ADGRL3: variants seen among roughly 807,000 people sequenced by gnomAD.
ADGRL3 encodes the protein calcium-independent alpha-latrotoxin receptor 3.
A neutral mutation model predicts 153.5 loss-of-function variants in ADGRL3; 62 were observed. The ratio of observed to expected loss-of-function variants is 0.40; its 90% CI spans 0.33 to 0.50. The LOEUF (loss-of-function observed/expected upper bound fraction) is 0.50, where lower values mean the gene tolerates loss of function less well. Ranked by LOEUF, ADGRL3 falls within the 20% of genes least tolerant of loss-of-function variation. The pLI is 0.47. For missense variants in ADGRL3, 1,641 were observed against 1,859.4 expected, an observed-to-expected ratio of 0.88 and a Z score of 2.16; for synonymous variants, 710 against 672.5, an observed-to-expected ratio of 1.06 and a Z score of -0.86.
intron 11 of ADGRL3, among the ~76,000 whole-genome samples, chr4:61,898,506 TA>T: frequency 6.6e-6 from 1 of 151,972 alleles, no homozygotes. Flanking sequence ...CCAGATTTTA[TA>T]GGCAGGCTTG....
chr4:61,863,199 C>G (rs554138169), intron 9 of ADGRL3, among the ~76,000 whole-genome samples: 2 of 149,140 alleles, frequency 1.3e-5, no homozygotes, highest in African/African-American at 4.9e-5. Flanking sequence ...GACAAGGAAA[C>G]GTGCTTGTGT....
intron 3 of ADGRL3, among the ~76,000 whole-genome samples, chr4:61,503,536 T>G (rs1184861872): frequency 6.6e-6 from 1 of 152,038 alleles, no homozygotes; most frequent in Non-Finnish European, 1.5e-5. Flanking sequence ...ATTGGGTTAT[T>G]TATAAATGGG....
intron 11 of ADGRL3, among the ~76,000 whole-genome samples, chr4:61,909,030 A>G (rs1213369886): frequency 6.6e-6 from 1 of 152,232 alleles, no homozygotes; most frequent in Non-Finnish European, 1.5e-5. Flanking sequence ...GCTACCCAGC[A>G]TACTGGGAGC....
chr4:61,651,502 A>G (rs942633649), intron 5 of ADGRL3, among the ~76,000 whole-genome samples: 6 of 152,222 alleles, frequency 3.9e-5, no homozygotes, highest in Non-Finnish European at 8.8e-5. Flanking sequence ...ATTTGGAATC[A>G]AAACTCCTTA....
At position 61,924,353 on chromosome 4, in the gene ADGRL3, C is replaced by T. The variant is rs549675674; in HGVS notation, c.2113-10487C>T. ...TAGCACAATAGTTAGTCCTCTTGTC[C>T]ACACTTTATACATTCACACCCTTGG... is the stretch of plus-strand genomic sequence containing the variant. On this transcript the variant is annotated intron_variant, in intron 13 of 26. Coordinates refer to ENST00000683033, the MANE Select transcript of ADGRL3 (RefSeq NM_001387552.1). Among the ~76,000 whole-genome samples the T allele has an allele frequency of 1.4e-4, 21 of 152,218 alleles. No homozygotes were observed. The East Asian group carries it at 2.3e-3, about 17-fold the overall frequency.
At chr4:61,556,413 C>A (rs974786745) in intron 4 of ADGRL3, among the ~76,000 whole-genome samples, 3 of 151,762 alleles carry the variant, frequency 2.0e-5, no homozygotes, top group Non-Finnish European at 4.4e-5. Flanking sequence ...CAGAATGAGC[C>A]GGGGGAGAGC....
intron 8 of ADGRL3, among the ~76,000 whole-genome samples, chr4:61,756,859 C>T (rs892931716): frequency 5.3e-5 from 8 of 152,150 alleles, no homozygotes; most frequent in African/African-American, 1.7e-4. Flanking sequence ...AAGGCCTTTT[C>T]TGCATCTATT....
intron 4 of ADGRL3, among the ~76,000 whole-genome samples, chr4:61,566,723 T>G (rs2098817774): frequency 6.6e-6 from 1 of 152,128 alleles, no homozygotes; most frequent in African/African-American, 2.4e-5. Context: ...AAATTTATCC[T>G]TATAAATAAT....
chr4:61,840,429 A>G (rs2098012478), intron 9 of ADGRL3, among the ~76,000 whole-genome samples: 1 of 152,308 alleles, frequency 6.6e-6, no homozygotes, highest in African/African-American at 2.4e-5. Flanking sequence ...ATTAAATCCT[A>G]TTGACATATA....
intron 4 of ADGRL3, among the ~76,000 whole-genome samples, chr4:61,526,009 G>C (rs536997605): frequency 1.3e-5 from 2 of 152,132 alleles, no homozygotes; most frequent in East Asian, 1.9e-4. Context: ...CGAAGCAGGG[G>C]AGGGACAAGG....
chr4:62,067,967 AT>A (rs1743907538), intron 25 of ADGRL3, among the ~76,000 whole-genome samples, 198 bp from the exon 26 acceptor site: 1 of 151,972 alleles, frequency 6.6e-6, no homozygotes, highest in Admixed American at 6.6e-5. Context: ...GGGATTTCTT[AT>A]TTTCTGACTA....
chr4:61,378,093 G>GT lies in ADGRL3; in HGVS notation c.-239-5025dup, dbSNP rs981822298. ...CATCCTTTTATATTTACTAAGATTT[G>GT]TTTTTTGATCTCACATTAAGCCTAT... On this transcript the variant is annotated intron_variant, in intron 1 of 26. Transcript: ENST00000683033. Among the ~76,000 whole-genome samples the GT allele has an allele frequency of 7.2e-4, 110 of 151,948 alleles. 1 individual carries two copies. Among genetic ancestry groups the GT allele is most frequent in the African/African-American group, 2.6e-3 (109 of 41,482 alleles).
At chr4:61,615,563 G>A (rs1380630606) in intron 5 of ADGRL3, among the ~76,000 whole-genome samples, 4 of 140,726 alleles carry the variant, frequency 2.8e-5, no homozygotes, top group South Asian at 2.5e-4. Flanking sequence ...AATTTTATAC[G>A]TCGGTTGGAA....
At chr4:61,904,091 T>C (rs562566632) in intron 11 of ADGRL3, among the ~76,000 whole-genome samples, 11 of 151,784 alleles carry the variant, frequency 7.2e-5, no homozygotes, top group Middle Eastern at 6.8e-3. Flanking sequence ...TATAACCTAT[T>C]TCACTTCAGT....
chr4:61,837,006 A>G (rs1425564030), intron 9 of ADGRL3, among the ~76,000 whole-genome samples: 3 of 152,140 alleles, frequency 2.0e-5, no homozygotes, highest in Admixed American at 6.5e-5. Flanking sequence ...TGTTTCATAT[A>G]GGATATTTCA....
chr4:61,456,589 T>G (rs2097759047), intron 2 of ADGRL3, among the ~76,000 whole-genome samples: 1 of 150,130 alleles, frequency 6.7e-6, no homozygotes. Context: ...TTATTGTCTG[T>G]TTTTCCTGTG....
intron 1 of ADGRL3, among the ~76,000 whole-genome samples, chr4:61,251,166 T>G (rs1759089801): frequency 6.6e-6 from 1 of 152,134 alleles, no homozygotes. Flanking sequence ...TGCCTGGGGC[T>G]TCAGTGGGGA....
chr4:62,010,270 T>C (rs954963201), intron 21 of ADGRL3, among the ~76,000 whole-genome samples: 4 of 152,084 alleles, frequency 2.6e-5, no homozygotes, highest in Admixed American at 2.6e-4. Flanking sequence ...CGAGGCCCCA[T>C]GCTGAAGTTA....
chr4:61,524,972 A>G (rs1016528057), intron 4 of ADGRL3, among the ~76,000 whole-genome samples: 3 of 152,030 alleles, frequency 2.0e-5, no homozygotes, highest in African/African-American at 7.2e-5. Context: ...AGAGACAGTA[A>G]TTTAATTCAT....
Sources: gnomAD v4.1 joint callset for allele counts (sites outside exome capture counted in the v4.1 genomes callset) on GRCh38, gnomAD v4.1.1 for gene constraint, MANE v1.5 for transcripts, NCBI Gene and HGNC (gene_info 2026-07-23, HGNC 2026-07-21) for gene names.